Variants in SYCP2L observed in about 807,000 individuals in gnomAD.
SYCP2L encodes the protein synaptonemal complex protein 2 like, also known as synaptonemal complex protein 2-like.
In SYCP2L, 98 loss-of-function variants were observed where a neutral mutation model predicts 125.8. The ratio of observed to expected loss-of-function variants is 0.78; its 90% confidence interval spans 0.66 to 0.92. The LOEUF (loss-of-function observed/expected upper bound fraction) is 0.92. SYCP2L is among the 40% of genes least tolerant of loss of function. The pLI is 0.00. For synonymous variants in SYCP2L, 317 were observed against 325.4 expected (o/e 0.97, Z 0.28); for missense variants, 842 against 936.4 (o/e 0.90, Z 1.32).
intron 21 of SYCP2L, among the ~76,000 whole-genome samples, chr6:10,938,620 T>G (rs1050067708): frequency 2.0e-5 from 3 of 152,202 alleles, no homozygotes; most frequent in Admixed American, 6.5e-5. Context: ...ATTGTTTTTG[T>G]TTAAAGATGA....
At chr6:10,936,369 C>A (rs940360654) in intron 21 of SYCP2L, among the ~76,000 whole-genome samples, 1 of 151,924 alleles carries the variant, frequency 6.6e-6, no homozygotes, top group African/African-American at 2.4e-5. Flanking sequence ...TGGTGGCAGG[C>A]ACCTGTAGTC....
At chr6:10,928,567 TA>T (rs1780938278) in intron 18 of SYCP2L, 117 bp downstream of exon 18, 5 of 1,375,390 alleles carry the variant, frequency 3.6e-6, no homozygotes, top group Non-Finnish European at 3.8e-6. Context: ...TCTGTCAATT[TA>T]AAAAAATTTT....
chr6:10,902,837 T>C (rs765534097), intron 7 of SYCP2L, 38 bp from the exon 8 acceptor site: 1 of 1,612,422 alleles, frequency 6.2e-7, no homozygotes, highest in South Asian at 1.1e-5. Flanking sequence ...GTCTCTGTTT[T>C]CTTTCTTCTC....
intron 20 of SYCP2L, among the ~76,000 whole-genome samples, chr6:10,933,711 A>G (rs1781040356): frequency 6.6e-6 from 1 of 152,210 alleles, no homozygotes; most frequent in Non-Finnish European, 1.5e-5. Context: ...GAGAAGCTCA[A>G]TAGCATTTAT....
chr6:10,964,198 C>T lies in SYCP2L; in HGVS notation c.*37+355C>T, dbSNP rs138797056. On this transcript the variant is annotated intron_variant, in intron 29 of 29. Transcript: ENST00000283141. ...GGTCTCGATCTCCTGACCATGTGAT[C>T]CGCCTGTCCTGGCCTCCCAAAGTGC... Among the ~76,000 whole-genome samples the T allele has an allele frequency of 8.5e-3, 1,300 of 152,290 alleles. 20 individuals carry two copies. Among genetic ancestry groups the T allele is most frequent in the African/African-American group, 0.03 (1,240 of 41,572 alleles).
chr6:10,889,065 T>A (rs1780132442), intron 1 of SYCP2L, among the ~76,000 whole-genome samples: 1 of 152,180 alleles, frequency 6.6e-6, no homozygotes, highest in African/African-American at 2.4e-5. Context: ...TTTCACCATA[T>A]TGGACAGGCT....
At chr6:10,920,605 T>C (rs577012396) in intron 14 of SYCP2L, among the ~76,000 whole-genome samples, 1 of 152,296 alleles carries the variant, frequency 6.6e-6, no homozygotes, top group Non-Finnish European at 1.5e-5. Context: ...TATAATTGCG[T>C]TCCTTTTTTT....
intron 9 of SYCP2L, 131 bp downstream of exon 9, chr6:10,906,185 T>G: frequency 1.8e-6 from 1 of 545,540 alleles, no homozygotes; most frequent in Non-Finnish European, 3.2e-6. Flanking sequence ...TATTTTAAAT[T>G]TATTTTGAGA....
Position 10,948,339 on chromosome 6 carries a change from C to T in SYCP2L, c.1954+5593C>T, listed in dbSNP as rs114056949. Among the ~76,000 whole-genome samples the T allele has an allele frequency of 9.4e-3, 1,427 of 152,194 alleles. 11 individuals are homozygous for T. The highest frequency in any genetic ancestry group is 0.044 in the Middle Eastern group (13 of 294). On this transcript the variant is annotated intron_variant, in intron 23 of 29. Transcript: ENST00000283141. ...TTTATGCCTTTTGACCAACGTCTCCCGGTTTTCCCAACCCCTTGATTCCTG... is the reference window on the plus strand; with the variant it reads ...TTTATGCCTTTTGACCAACGTCTCCTGGTTTTCCCAACCCCTTGATTCCTG...
intron 23 of SYCP2L, among the ~76,000 whole-genome samples, chr6:10,943,959 G>T (rs1581838193): frequency 6.6e-6 from 1 of 152,226 alleles, no homozygotes; most frequent in East Asian, 1.9e-4. Flanking sequence ...AGTGCTGTGG[G>T]ATATTTGGAT....
intron 28 of SYCP2L, among the ~76,000 whole-genome samples, chr6:10,963,024 A>T (rs993519982): frequency 1.3e-5 from 2 of 152,212 alleles, no homozygotes; most frequent in Non-Finnish European, 2.9e-5. Flanking sequence ...ACTAGAGATT[A>T]TATCCCCTAG....
Position 10,928,435 on chromosome 6 carries a change from C to A in SYCP2L, c.1473C>A (p.Asp491Glu). 6.3e-7 allele frequency: 1 copy of A among 1,586,474 alleles called. No individual in the cohort carries two copies. The part of the protein sequence containing the change: ...LQPVPPFGVP[D>E]FPQQPKSHYR... ...CGGTCCCTCCGTTCGGGGTCCCTGA[C>A]TTCCCGCAACAACCTGTGAGTACAG... Residue 491 changes from aspartate (D) to glutamate (E), a missense_variant, in exon 18 of 30, where the codon GAC (aspartate) becomes GAA (glutamate). Asp to Glu is a conservative substitution (Grantham distance 45). Coordinates refer to ENST00000283141, the MANE Select transcript of SYCP2L (RefSeq NM_001040274.3).
chr6:10,891,653 G>GTATA, intron 2 of SYCP2L, 72 bp downstream of exon 2: 4 of 809,902 alleles, frequency 4.9e-6, no homozygotes, highest in South Asian at 3.7e-5. Context: ...GTGTGTGTGT[G>GTATA]TGTGTGTGTG....
chr6:10,920,833 T>C (rs1780786216), intron 14 of SYCP2L, among the ~76,000 whole-genome samples: 1 of 152,088 alleles, frequency 6.6e-6, no homozygotes, highest in African/African-American at 2.4e-5. Flanking sequence ...CGTTCCTTTT[T>C]TTTTTTCTTC....
chr6:10,937,093 A>G (rs1225867716), intron 21 of SYCP2L, among the ~76,000 whole-genome samples: 2 of 152,252 alleles, frequency 1.3e-5, no homozygotes, highest in South Asian at 2.1e-4. Flanking sequence ...GATGAATCTA[A>G]CTAACATATA....
chr6:10,891,272 C>T (rs1291730882), intron 1 of SYCP2L, among the ~76,000 whole-genome samples: 1 of 152,016 alleles, frequency 6.6e-6, no homozygotes, highest in Admixed American at 6.6e-5. Context: ...TGCTTTGCTT[C>T]TTCTGATAGT....
chr6:10,907,892 G>GTTTTTTTTTTGTTTTTTTTTTT (rs1780526954), intron 10 of SYCP2L, among the ~76,000 whole-genome samples: 1 of 91,922 alleles, frequency 1.1e-5, no homozygotes. Flanking sequence ...ATACAGATAG[G>GTTTTTTTTTTGTTTTTTTTTTT]TTTTTTTTTT....
At chr6:10,949,293 C>T (rs1202117615) in intron 23 of SYCP2L, among the ~76,000 whole-genome samples, 1 of 152,070 alleles carries the variant, frequency 6.6e-6, no homozygotes, top group Non-Finnish European at 1.5e-5. Flanking sequence ...TTGGCTATAT[C>T]ACATTTTGAT....
At chr6:10,931,149 C>A (rs140015595) in intron 19 of SYCP2L, among the ~76,000 whole-genome samples, 5 of 152,116 alleles carry the variant, frequency 3.3e-5, no homozygotes, top group Admixed American at 6.5e-5. Flanking sequence ...GCAGCTCAGG[C>A]GACAGAGTGA....
Sources: allele counts gnomAD v4.1 joint callset (sites outside exome capture counted in the v4.1 genomes callset), GRCh38; gene constraint gnomAD v4.1.1; transcripts MANE v1.5; gene names NCBI Gene and HGNC (gene_info 2026-07-23, HGNC 2026-07-21).